ADAM9: variants seen among roughly 807,000 people sequenced by gnomAD.
ADAM9 encodes disintegrin and metalloproteinase domain-containing protein 9.
A neutral mutation model predicts 108.1 loss-of-function variants in ADAM9; 54 were observed. That is an observed-to-expected ratio of 0.50 (90% confidence interval 0.40 to 0.63). The LOEUF (loss-of-function observed/expected upper bound fraction) is 0.63, where lower values mean the gene tolerates loss of function less well. Among genes scored for constraint, ADAM9 ranks in the 20% least tolerant of loss-of-function variants. ADAM9 has a pLI of 0.00. For missense variants in ADAM9, 830 were observed against 997.7 expected (o/e 0.83, Z 2.26); for synonymous variants, 316 against 336.0 (o/e 0.94, Z 0.65).
At position 39,090,032 on chromosome 8, in the gene ADAM9, A is replaced by G. The variant is rs1564375644; in HGVS notation, c.2069-15A>G. The stretch of plus-strand genomic sequence containing the variant: ...ATGAGTTTGGTGACTGTTGATGTAA[A>G]ATTCTTCTCTCTAGAAATGAATACT... On this transcript the variant is annotated splice_polypyrimidine_tract_variant and intron_variant, in intron 18 of 21. Coordinates refer to ENST00000487273, the MANE Select transcript of ADAM9 (RefSeq NM_003816.3). 1 of 1,613,296 alleles carries G rather than the reference A, an allele frequency of 6.2e-7. No individual in the cohort carries two copies. The highest frequency in any genetic ancestry group is 1.3e-5 in the African/African-American group (1 of 74,812).
In ADAM9 at chr8:39,027,468, A is replaced by G. The variant is rs542879226; in HGVS notation, c.1130+658A>G. ...ACTACTCATCAGTGAAATGAGGTGCACATACTTTATCTCCATTTGCAGATG... is the reference window on the plus strand; with the variant it reads ...ACTACTCATCAGTGAAATGAGGTGCGCATACTTTATCTCCATTTGCAGATG... On this transcript the variant is annotated intron_variant, in intron 11 of 21. Coordinates refer to ENST00000487273, the MANE Select transcript of ADAM9 (RefSeq NM_003816.3). 5.3e-5 allele frequency among the ~76,000 whole-genome samples: 8 copies of G among 152,340 alleles called. No individual in the cohort carries two copies. In the South Asian group the frequency reaches 1.7e-3, roughly 32 times the overall value.
intron 21 of ADAM9, 32 bp downstream of exon 21, chr8:39,101,962 C>G: frequency 1.9e-6 from 3 of 1,553,328 alleles, no homozygotes; most frequent in Non-Finnish European, 2.7e-6. Context: ...ATTTTTTGGC[C>G]AGAATAAAAC....
chr8:39,067,377 T>C (rs1490757547), intron 14 of ADAM9, among the ~76,000 whole-genome samples: 1 of 152,240 alleles, frequency 6.6e-6, no homozygotes, highest in Admixed American at 6.5e-5. Context: ...ATTATTCCTA[T>C]CCATGAGCAT....
At chr8:39,088,270 C>CTTT (rs35266733) in intron 18 of ADAM9, among the ~76,000 whole-genome samples, 2 of 147,440 alleles carry the variant, frequency 1.4e-5, no homozygotes. Flanking sequence ...TTTTATACAA[C>CTTT]TTTTTTTTTT....
intron 1 of ADAM9, among the ~76,000 whole-genome samples, chr8:39,003,624 A>C (rs919795701): frequency 6.6e-6 from 1 of 152,164 alleles, no homozygotes. Context: ...TCATACAATT[A>C]GTATGTATTA....
intron 12 of ADAM9, among the ~76,000 whole-genome samples, chr8:39,044,182 C>T (rs1837539399): frequency 6.6e-6 from 1 of 152,136 alleles, no homozygotes; most frequent in Non-Finnish European, 1.5e-5. Flanking sequence ...TGTCATGAAG[C>T]TTTTCCTCTA....
chr8:39,008,258 C>G (rs1000484850), intron 2 of ADAM9, among the ~76,000 whole-genome samples: 14 of 151,082 alleles, frequency 9.3e-5, no homozygotes, highest in African/African-American at 2.9e-4. Context: ...GCAACCTCCA[C>G]CTTCTGGGTT....
At chr8:39,102,332 G>T (rs1006288284) in intron 21 of ADAM9, among the ~76,000 whole-genome samples, 10 of 152,198 alleles carry the variant, frequency 6.6e-5, no homozygotes, top group Admixed American at 6.5e-4. Context: ...AATTGTGGGG[G>T]TAAGGTCAGG....
intron 14 of ADAM9, among the ~76,000 whole-genome samples, chr8:39,061,563 A>T (rs1564331321): frequency 6.6e-6 from 1 of 152,146 alleles, no homozygotes; most frequent in Non-Finnish European, 1.5e-5. Flanking sequence ...GTCTCAGTCT[A>T]TTTTGTGCTA....
intron 6 of ADAM9, 112 bp downstream of exon 6, chr8:39,017,526 G>C: frequency 9.0e-7 from 1 of 1,108,400 alleles, no homozygotes; most frequent in Non-Finnish European, 1.3e-6. Context: ...TCTTAATTTT[G>C]CCAAATATAT....
intron 18 of ADAM9, among the ~76,000 whole-genome samples, chr8:39,084,424 G>T: frequency 1.3e-5 from 2 of 149,924 alleles, no homozygotes; most frequent in South Asian, 2.1e-4. Context: ...TGTTCATTCA[G>T]TTCTGAATAC....
intron 1 of ADAM9, 57 bp downstream of exon 1, chr8:38,997,217 C>T (rs913539046): frequency 3.3e-6 from 5 of 1,533,054 alleles, no homozygotes; most frequent in South Asian, 1.2e-5. Flanking sequence ...ACGGGGCGCT[C>T]GGAGTGAACC....
intron 4 of ADAM9, chr8:39,014,584 T>C (rs1163505007): frequency 1.4e-6 from 1 of 702,552 alleles, no homozygotes; most frequent in Admixed American, 2.0e-5. Context: ...CAAATTTGGC[T>C]TTCTGTGTTT....
At chr8:39,057,600 A>G (rs1564324956) in intron 14 of ADAM9, among the ~76,000 whole-genome samples, 1 of 152,100 alleles carries the variant, frequency 6.6e-6, no homozygotes, top group African/African-American at 2.4e-5. Flanking sequence ...TGGCAGGCTC[A>G]TGACCATGGA....
chr8:39,049,034 A>G (rs1199300096), intron 12 of ADAM9, among the ~76,000 whole-genome samples: 1 of 131,242 alleles, frequency 7.6e-6, no homozygotes, highest in Admixed American at 7.9e-5. Flanking sequence ...TCAGTATGCT[A>G]TGTGTTTTTG....
intron 3 of ADAM9, among the ~76,000 whole-genome samples, chr8:39,012,814 G>A (rs1836399444): frequency 6.6e-6 from 1 of 152,112 alleles, no homozygotes; most frequent in Non-Finnish European, 1.5e-5. Flanking sequence ...GGGGAGTGGG[G>A]AGGGATAGCA....
chr8:39,023,901 C>A (rs1425451191), intron 9 of ADAM9, among the ~76,000 whole-genome samples: 1 of 151,990 alleles, frequency 6.6e-6, no homozygotes, highest in Non-Finnish European at 1.5e-5. Flanking sequence ...TGCCTGCCCC[C>A]ACACCTGGCT....
intron 1 of ADAM9, among the ~76,000 whole-genome samples, chr8:39,001,730 C>T (rs1351668596): frequency 1.3e-5 from 2 of 150,952 alleles, no homozygotes; most frequent in Admixed American, 6.6e-5. Context: ...TGCAATGGCT[C>T]GATCTCAGCT....
chr8:39,008,834 TC>T (rs1194200887), intron 2 of ADAM9, among the ~76,000 whole-genome samples: 4 of 152,238 alleles, frequency 2.6e-5, no homozygotes, highest in Non-Finnish European at 5.9e-5. Context: ...AATTATTTTT[TC>T]TACTATTCTT....
Sources: gnomAD v4.1 joint callset for allele counts (sites outside exome capture counted in the v4.1 genomes callset) on GRCh38, gnomAD v4.1.1 for gene constraint, MANE v1.5 for transcripts, NCBI Gene and HGNC (gene_info 2026-07-23, HGNC 2026-07-21) for gene names.